The following DPYS variants were observed in gnomAD, a reference collection of about 807,000 sequenced individuals.
The protein encoded by DPYS is dihydropyrimidinase.
In DPYS, 39 loss-of-function variants were observed where a neutral mutation model predicts 50.3. The observed-to-expected ratio is 0.78, with a 90% CI of 0.60 to 1.01. The LOEUF (loss-of-function observed/expected upper bound fraction) is 1.01, where lower values mean the gene tolerates loss of function less well. DPYS is among the 50% of genes least tolerant of loss of function. The pLI, the probability that DPYS is intolerant of heterozygous loss-of-function variation, is 0.00. For synonymous variants in DPYS, 245 were observed against 250.7 expected, an observed-to-expected ratio of 0.98 and a Z score of 0.22; for missense variants, 659 against 680.9, an observed-to-expected ratio of 0.97 and a Z score of 0.36.
chr8:104,448,825 AT>A (rs1237895714), intron 2 of DPYS, among the ~76,000 whole-genome samples: 2 of 152,206 alleles, frequency 1.3e-5, no homozygotes, highest in Non-Finnish European at 2.9e-5. Context: ...TTACACGTGA[AT>A]TTACTCATTG....
intron 5 of DPYS, chr8:104,429,227 C>A: frequency 3.2e-6 from 1 of 317,018 alleles, no homozygotes; most frequent in Non-Finnish European, 6.0e-6. Flanking sequence ...GAAAAAAATT[C>A]AACAATATTC....
chr8:104,393,946 C>T (rs1198439188), intron 7 of DPYS, among the ~76,000 whole-genome samples: 7 of 152,138 alleles, frequency 4.6e-5, no homozygotes, highest in Non-Finnish European at 1.0e-4. Context: ...AGTCTTTTAT[C>T]CCTCACCCCT....
intron 8 of DPYS, among the ~76,000 whole-genome samples, chr8:104,392,070 T>C (rs1008433538): frequency 3.3e-5 from 5 of 152,202 alleles, no homozygotes; most frequent in Non-Finnish European, 5.9e-5. Context: ...CAAGAGAGAA[T>C]TTAGGTCTTC....
intron 1 of DPYS, among the ~76,000 whole-genome samples, chr8:104,463,198 C>A (rs1814232605): frequency 6.6e-6 from 1 of 152,078 alleles, no homozygotes; most frequent in African/African-American, 2.4e-5. Context: ...TTACTTTATG[C>A]TTTTTCTGTA....
At chr8:104,386,522 G>A (rs1361215544) in intron 8 of DPYS, among the ~76,000 whole-genome samples, 2 of 145,932 alleles carry the variant, frequency 1.4e-5, no homozygotes, top group Non-Finnish European at 3.0e-5. Context: ...AACTGAGTGA[G>A]ACTCTTAAAA....
intron 4 of DPYS, 122 bp downstream of exon 4, chr8:104,444,126 G>T: frequency 9.2e-7 from 1 of 1,091,830 alleles, no homozygotes; most frequent in Non-Finnish European, 1.4e-6. Context: ...TAATAAAAAG[G>T]GAGGAAGAAA....
At chr8:104,447,724 T>A (rs1210589849) in intron 2 of DPYS, among the ~76,000 whole-genome samples, 1 of 152,234 alleles carries the variant, frequency 6.6e-6, no homozygotes, top group East Asian at 1.9e-4. Flanking sequence ...TTTTAAATCA[T>A]GAAAAAGTGA....
chr8:104,450,539 G>A (rs1178295335), intron 2 of DPYS, among the ~76,000 whole-genome samples: 1 of 152,210 alleles, frequency 6.6e-6, no homozygotes, highest in East Asian at 1.9e-4. Context: ...ACACATTTAT[G>A]TGGGAGGAAA....
intron 7 of DPYS, among the ~76,000 whole-genome samples, chr8:104,412,591 C>A (rs1812222010): frequency 6.6e-6 from 1 of 152,144 alleles, no homozygotes; most frequent in Admixed American, 6.5e-5. Flanking sequence ...GTCTTCACTT[C>A]CTCCCCCATT....
At chr8:104,464,228 C>T (rs572768049) in intron 1 of DPYS, among the ~76,000 whole-genome samples, 1 of 152,268 alleles carries the variant, frequency 6.6e-6, no homozygotes, top group South Asian at 2.1e-4. Context: ...TGACAACAGA[C>T]TATACGCCAT....
At chr8:104,437,969 G>C (rs1354759461) in intron 4 of DPYS, among the ~76,000 whole-genome samples, 1 of 152,196 alleles carries the variant, frequency 6.6e-6, no homozygotes, top group Non-Finnish European at 1.5e-5. Flanking sequence ...AGGAAACTGT[G>C]CCTTCATAAT....
intron 4 of DPYS, among the ~76,000 whole-genome samples, chr8:104,435,700 T>C (rs955068390): frequency 2.0e-5 from 3 of 152,018 alleles, no homozygotes; most frequent in Admixed American, 2.0e-4. Context: ...TAAAAGAAAA[T>C]ATCAAGCATG....
At chr8:104,464,555 C>A (rs1234870126) in intron 1 of DPYS, among the ~76,000 whole-genome samples, 2 of 152,182 alleles carry the variant, frequency 1.3e-5, no homozygotes, top group East Asian at 1.9e-4. Context: ...CAATGGGATG[C>A]CCTGCCATCA....
intron 7 of DPYS, among the ~76,000 whole-genome samples, chr8:104,412,612 C>A (rs191829434): frequency 2.0e-4 from 31 of 152,296 alleles, no homozygotes; most frequent in Non-Finnish European, 4.0e-4. Flanking sequence ...CATATTCCAG[C>A]TCCAGGCCCA....
intron 8 of DPYS, among the ~76,000 whole-genome samples, chr8:104,388,624 T>C (rs1336628596): frequency 2.6e-5 from 4 of 152,220 alleles, no homozygotes; most frequent in Non-Finnish European, 5.9e-5. Context: ...ACAACTTTTA[T>C]ATGAAGTTGA....
chr8:104,433,319 AT>A (rs1393379593), intron 4 of DPYS, among the ~76,000 whole-genome samples: 1 of 152,120 alleles, frequency 6.6e-6, no homozygotes, highest in Non-Finnish European at 1.5e-5. Flanking sequence ...ACACGATTCT[AT>A]TTTTTTAATG....
chr8:104,394,119 A>C (rs1009980982), intron 7 of DPYS, among the ~76,000 whole-genome samples: 1 of 152,218 alleles, frequency 6.6e-6, no homozygotes, highest in East Asian at 1.9e-4. Flanking sequence ...TTCTGGTAGA[A>C]GGTTCTACAA....
At chr8:104,427,438 C>T (rs1459789540) in intron 6 of DPYS, among the ~76,000 whole-genome samples, 1 of 151,504 alleles carries the variant, frequency 6.6e-6, no homozygotes, top group East Asian at 2.0e-4. Flanking sequence ...GCCACCATGC[C>T]CGGCTAACTT....
intron 7 of DPYS, among the ~76,000 whole-genome samples, chr8:104,422,564 C>G (rs1812583996): frequency 6.6e-6 from 1 of 152,150 alleles, no homozygotes; most frequent in Admixed American, 6.5e-5. Context: ...GGCACCAAAA[C>G]ATTTTAAAAA....
Sources: allele counts gnomAD v4.1 joint callset (sites outside exome capture counted in the v4.1 genomes callset), GRCh38; gene constraint gnomAD v4.1.1; transcripts MANE v1.5; gene names NCBI Gene and HGNC (gene_info 2026-07-23, HGNC 2026-07-21).